Variants in NFATC2 observed in about 807,000 individuals in gnomAD.
NFATC2 encodes nuclear factor of activated T-cells, cytoplasmic 2.
Under a neutral mutation model 87.3 loss-of-function variants are expected in NFATC2, and 22 were observed. That is an observed-to-expected ratio of 0.25 (90% CI 0.18 to 0.36). NFATC2 has a LOEUF of 0.36. NFATC2 is among the 10% of genes least tolerant of loss of function. The probability of loss-of-function intolerance (pLI) is 1.00; values close to 1 mark genes in which losing one functional copy is unlikely to be tolerated. For missense variants in NFATC2, 1,149 were observed against 1,259.1 expected, an observed-to-expected ratio of 0.91 and a Z score of 1.32; for synonymous variants, 565 against 542.2, an observed-to-expected ratio of 1.04 and a Z score of -0.58.
chr20:51,409,496 G>A (rs1372383502), intron 9 of NFATC2, among the ~76,000 whole-genome samples: 1 of 152,220 alleles, frequency 6.6e-6, no homozygotes, highest in Non-Finnish European at 1.5e-5. Context: ...TAGCAATTAT[G>A]CTAAGGTGTG....
intron 1 of NFATC2, among the ~76,000 whole-genome samples, chr20:51,551,357 C>T (rs2146831040): frequency 6.6e-6 from 1 of 152,222 alleles, no homozygotes; most frequent in Non-Finnish European, 1.5e-5. Flanking sequence ...CACCCTAAGG[C>T]CACAGGGAAA....
intron 2 of NFATC2, 112 bp from the exon 3 acceptor site, chr20:51,517,067 C>T (rs1377439390): frequency 9.1e-7 from 1 of 1,094,148 alleles, no homozygotes; most frequent in Non-Finnish European, 1.3e-6. Flanking sequence ...ATGTATTGCT[C>T]AACAATGAGG....
chr20:51,516,705 C>G, intron 3 of NFATC2, 79 bp downstream of exon 3: 1 of 1,465,342 alleles, frequency 6.8e-7, no homozygotes, highest in South Asian at 1.3e-5. Flanking sequence ...CCTTAACAAG[C>G]AACAAACAGT....
At chr20:51,449,356 G>C (rs141064088) in intron 6 of NFATC2, among the ~76,000 whole-genome samples, 453 of 152,252 alleles carry the variant, frequency 3.0e-3, no homozygotes, top group African/African-American at 0.01. Flanking sequence ...CCCCCTCTCT[G>C]CAGAGAGCCC....
At chr20:51,483,025 A>C (rs989531190) in intron 3 of NFATC2, among the ~76,000 whole-genome samples, 5 of 152,200 alleles carry the variant, frequency 3.3e-5, no homozygotes, top group Admixed American at 3.3e-4. Flanking sequence ...TGGGCTCCTG[A>C]GAGTGAGCCC....
At chr20:51,457,650 T>C (rs149635872) in intron 5 of NFATC2, among the ~76,000 whole-genome samples, 46 of 21,912 alleles carry the variant, frequency 2.1e-3, no homozygotes, top group Non-Finnish European at 5.0e-3. Context: ...TTTAGCTATA[T>C]TCTAGTACTA....
At chr20:51,429,106 G>A (rs1395858753) in intron 9 of NFATC2, among the ~76,000 whole-genome samples, 2 of 152,238 alleles carry the variant, frequency 1.3e-5, no homozygotes, top group Non-Finnish European at 2.9e-5. Flanking sequence ...TATCCCTAGA[G>A]CTGATGGTGG....
chr20:51,559,142 G>A (rs2077001617), intron 1 of NFATC2, among the ~76,000 whole-genome samples: 2 of 152,250 alleles, frequency 1.3e-5, no homozygotes, highest in Admixed American at 1.3e-4. Context: ...GGGGCTCTCA[G>A]TACAGAAAGC....
intron 9 of NFATC2, among the ~76,000 whole-genome samples, chr20:51,401,986 C>T (rs1317019841): frequency 6.6e-6 from 1 of 152,212 alleles, no homozygotes. Context: ...AAGGGAAACC[C>T]TGCGTGCATC....
intron 2 of NFATC2, 144 bp from the exon 3 acceptor site, chr20:51,517,099 A>G (rs2076363630): frequency 2.3e-6 from 2 of 862,390 alleles, no homozygotes; most frequent in South Asian, 3.5e-5. Context: ...GAAATGCACC[A>G]TTATGTGAAC....
chr20:51,540,660 T>TTTTTTTTTTTTTTTTTC (rs2076798831), intron 1 of NFATC2, among the ~76,000 whole-genome samples: 1 of 105,784 alleles, frequency 9.5e-6, no homozygotes, highest in Non-Finnish European at 2.0e-5. Flanking sequence ...TTTTTTTTGT[T>TTTTTTTTTTTTTTTTTC]TTTTTTTTTT....
Position 51,555,518 on chromosome 20 carries a change from G to A in NFATC2, c.70+7042C>T, listed in dbSNP as rs113180936. ...TGAAGCAGGAAAATGGCGTGAATCC[G>A]GGAGGCAGAGCTTACAGTAAGCTGA... On this transcript the variant is annotated intron_variant, in intron 1 of 10. Coordinates refer to the NFATC2 transcript ENST00000414705. Among the ~76,000 whole-genome samples the A allele has an allele frequency of 8.5e-3, 1,287 of 152,122 alleles. 20 individuals carry two copies. Among genetic ancestry groups the A allele is most frequent in the African/African-American group, 0.029 (1,207 of 41,480 alleles).
chr20:51,496,806 T>C (rs963438061), intron 3 of NFATC2, among the ~76,000 whole-genome samples: 7 of 152,164 alleles, frequency 4.6e-5, no homozygotes, highest in African/African-American at 1.7e-4. Context: ...GTGACCTCAA[T>C]TATTTTCCCG....
intron 3 of NFATC2, among the ~76,000 whole-genome samples, chr20:51,497,724 G>A (rs999160558): frequency 4.6e-5 from 7 of 152,216 alleles, no homozygotes; most frequent in South Asian, 2.1e-4. Flanking sequence ...GGGAGGGGGC[G>A]ATTGAGAACA....
At chr20:51,416,514 G>A (rs1031526273) in intron 9 of NFATC2, among the ~76,000 whole-genome samples, 8 of 152,162 alleles carry the variant, frequency 5.3e-5, no homozygotes, top group Non-Finnish European at 7.4e-5. Context: ...TAAAGGGCCC[G>A]TTCAAATCTG....
At position 51,398,714 on chromosome 20, in the gene NFATC2, G is replaced by C. The variant is rs754892792; in HGVS notation, c.2739C>G (p.His913Gln). The C allele has an allele frequency of 5.2e-5, 84 of 1,612,026 alleles. No homozygotes were observed. The highest frequency in any genetic ancestry group is 6.8e-5 in the Non-Finnish European group (80 of 1,178,784). Residue 913 changes from histidine to glutamine, a missense_variant, in exon 10 of 11, where the codon CAC becomes CAG. This residue lies in a region of NFATC2 where 581 missense variants were observed against 649.7 expected (regional missense o/e 0.89). Transcript: ENST00000371564. ...TYLDDELIDTHLSWIQNIL is the reference protein window; with the variant it reads ...TYLDDELIDTQLSWIQNIL Reference sequence around the variant, plus strand: ...ATAATATGTTTTGTATCCAGCTAAGGTGTGTGTCTATCAGCTCTGAAAAAG... The same window carrying C: ...ATAATATGTTTTGTATCCAGCTAAGCTGTGTGTCTATCAGCTCTGAAAAAG...
At chr20:51,449,586 G>T (rs1276991373) in intron 6 of NFATC2, among the ~76,000 whole-genome samples, 1 of 152,154 alleles carries the variant, frequency 6.6e-6, no homozygotes. Context: ...CCACAAAATG[G>T]GTAAGCCTGT....
At chr20:51,499,910 T>C (rs2076051010) in intron 3 of NFATC2, among the ~76,000 whole-genome samples, 3 of 152,212 alleles carry the variant, frequency 2.0e-5, no homozygotes, top group African/African-American at 4.8e-5. Context: ...AATGCAAGTC[T>C]TCTCTTAATG....
At chr20:51,532,188 G>A (rs1376071684) in intron 1 of NFATC2, among the ~76,000 whole-genome samples, 2 of 152,140 alleles carry the variant, frequency 1.3e-5, no homozygotes, top group Non-Finnish European at 2.9e-5. Flanking sequence ...AGAACCCTAT[G>A]AAGCAGCTGA....
Sources: allele counts gnomAD v4.1 joint callset (sites outside exome capture counted in the v4.1 genomes callset), GRCh38; gene constraint gnomAD v4.1.1; regional missense constraint gnomAD v4.1.1; transcripts MANE v1.5; gene names NCBI Gene and HGNC (gene_info 2026-07-23, HGNC 2026-07-21).